The following MPHOSPH10 variants were observed in gnomAD, a reference collection of about 807,000 sequenced individuals.
MPHOSPH10 encodes the protein U3 small nucleolar ribonucleoprotein MPP10.
In MPHOSPH10, 33 loss-of-function variants were observed where a neutral mutation model predicts 77.3. That is an observed-to-expected ratio of 0.43 (90% CI 0.32 to 0.57). The LOEUF (loss-of-function observed/expected upper bound fraction) is 0.57. Ranked by LOEUF, MPHOSPH10 falls within the 20% of genes least tolerant of loss-of-function variation. The pLI is 0.07. For missense variants in MPHOSPH10, 708 were observed against 780.1 expected (o/e 0.91, Z 1.10); for synonymous variants, 245 against 268.0 (o/e 0.91, Z 0.84).
chr2:71,144,176 C>T (rs1453215577), intron 7 of MPHOSPH10: 2 of 284,574 alleles, frequency 7.0e-6, no homozygotes, highest in African/African-American at 2.2e-5. Flanking sequence ...AAGTAAATAC[C>T]AAGGTAATTA....
At chr2:71,144,663 C>T in intron 8 of MPHOSPH10, 125 bp downstream of exon 8, 3 of 712,038 alleles carry the variant, frequency 4.2e-6, no homozygotes, top group Admixed American at 2.8e-5. Context: ...AAATTCCAGG[C>T]AGGGTCTCCA....
rs762671700 is a variant in MPHOSPH10, at chr2:71,138,618, T to C, written c.1227T>C (p.His409=). The C allele has an allele frequency of 3.4e-5, 55 of 1,614,072 alleles. No individual in the cohort carries two copies. The highest frequency in any genetic ancestry group is 6.7e-5 in the African/African-American group (5 of 74,924). Residue 409 remains histidine (H), a synonymous_variant, in exon 5 of 11, where the codon CAT becomes CAC. Coordinates refer to ENST00000244230, the MANE Select transcript of MPHOSPH10 (RefSeq NM_005791.3). ...SLLEETLHFD[H]AVRMAPVITE... ...TGGAGGAGACCCTACACTTTGACCA[T>C]GCTGTCCGGATGGGTATGGTGCCCT... is the stretch of plus-strand genomic sequence containing the variant.
Position 71,130,716 on chromosome 2 carries a change from A to C in MPHOSPH10, c.51A>C (p.Glu17Asp), listed in dbSNP as rs1673359242. 2 of 1,610,938 alleles carry C rather than the reference A, an allele frequency of 1.2e-6. No homozygotes were observed. The highest frequency in any genetic ancestry group is 2.7e-5 in the African/African-American group (2 of 74,872). The change falls in exon 1 of 11, where the codon GAA (glutamate) becomes GAC (aspartate). Residue 17 changes from glutamate to aspartate, a missense_variant. Around this residue, in one of 3 missense-constraint regions of MPHOSPH10, gnomAD observed 433 missense variants for 432.6 expected, o/e 1.00. Transcript: ENST00000244230. ...GGACCCTGGAGCGGTGTCTGACGGAAGTCGGCAAAGCCACGGGTCGGCCCG... is the reference window on the plus strand; with the variant it reads ...GGACCCTGGAGCGGTGTCTGACGGACGTCGGCAAAGCCACGGGTCGGCCCG... ...RRRTLERCLT[E>D]VGKATGRPEC...
At chr2:71,141,564 T>C (rs1572899899) in intron 7 of MPHOSPH10, among the ~76,000 whole-genome samples, 195 bp downstream of exon 7, 1 of 152,202 alleles carries the variant, frequency 6.6e-6, no homozygotes, top group South Asian at 2.1e-4. Context: ...GGGGGGTTGC[T>C]TTGCAATTAG....
In MPHOSPH10 at chr2:71,134,754, A is replaced by G. The variant is rs1378068606; in HGVS notation, c.1055A>G (p.Asn352Ser). 2 of 1,605,064 alleles carry G rather than the reference A, an allele frequency of 1.2e-6. No homozygotes were observed. The highest frequency in any genetic ancestry group is 2.7e-5 in the African/African-American group (2 of 74,374). The change falls in exon 4 of 11, where the codon AAT becomes AGT. Residue 352 changes from asparagine to serine, a missense_variant. This residue lies in a region of MPHOSPH10 where 433 missense variants were observed against 432.6 expected (regional missense o/e 1.00). Transcript: ENST00000244230. ...EDTGVLNVKKNSDEVKSSFEK... is the reference protein window; with the variant it reads ...EDTGVLNVKKSSDEVKSSFEK... ...ACAGGTGTTTTAAATGTAAAGAAAA[A>G]TTCTGATGAAGTTAAATCCTCCTTT...
rs150645514 is a variant in MPHOSPH10 at position 71,149,636 on chromosome 2, A to G, written c.1896+183A>G. Among the ~76,000 whole-genome samples, 525 of 152,340 alleles carry G rather than the reference A, an allele frequency of 3.4e-3. 3 individuals are homozygous for G. Among genetic ancestry groups the G allele is most frequent in the African/African-American group, 0.012 (502 of 41,574 alleles). On this transcript the variant is annotated intron_variant, in intron 10 of 10. Transcript: ENST00000244230. ...GAATTTTTCATGTAGGGTCCTCACA[A>G]TAACCTGGGTCCTGGCAGCAGCTTG...
At chr2:71,148,555 C>T (rs774018229) in intron 9 of MPHOSPH10, 1 of 162,800 alleles carries the variant, frequency 6.1e-6, no homozygotes, top group South Asian at 1.6e-4. Flanking sequence ...TGCAGCAATC[C>T]CTGCCATGTG....
intron 10 of MPHOSPH10, 30 bp from the exon 11 acceptor site, chr2:71,149,836 A>G (rs572728737): frequency 6.7e-7 from 1 of 1,500,182 alleles, no homozygotes; most frequent in African/African-American, 1.4e-5. Flanking sequence ...TACATTTTAC[A>G]GCATAAGCAT....
chr2:71,137,519 C>T (rs1245959364), intron 4 of MPHOSPH10, among the ~76,000 whole-genome samples: 1 of 151,874 alleles, frequency 6.6e-6, no homozygotes, highest in Non-Finnish European at 1.5e-5. Context: ...ATTAGTCAGG[C>T]GTGGTTGCAC....
In MPHOSPH10 at chr2:71,149,396, A is replaced by G. The variant is rs1558757654; in HGVS notation, c.1839A>G (p.Thr613=). 1 of 1,611,958 alleles carries G rather than the reference A, an allele frequency of 6.2e-7. No individual in the cohort carries two copies. The highest frequency in any genetic ancestry group is 1.1e-5 in the South Asian group (1 of 90,982). ...ATCAAGCAGGGAAATACAGCAAAACAGTAGCTTCGGAGAAGTTAAAACAGC... is the reference window on the plus strand; with the variant it reads ...ATCAAGCAGGGAAATACAGCAAAACGGTAGCTTCGGAGAAGTTAAAACAGC... ...SVDQAGKYSK[T]VASEKLKQLT... Residue 613 remains threonine, a synonymous_variant, in exon 10 of 11, where the codon ACA becomes ACG. Transcript: ENST00000244230.
chr2:71,139,023 A>G (rs1673556546), intron 5 of MPHOSPH10: 3 of 447,776 alleles, frequency 6.7e-6, no homozygotes, highest in South Asian at 6.5e-5. Context: ...AGCCTGGGCA[A>G]CAGAGCGACA....
chr2:71,138,143 T>C (rs1673531440), intron 4 of MPHOSPH10, among the ~76,000 whole-genome samples: 1 of 152,170 alleles, frequency 6.6e-6, no homozygotes, highest in Admixed American at 6.5e-5. Flanking sequence ...GTCAAAAGGG[T>C]CAGACTCCAT....
At chr2:71,140,637 T>C (rs964386460) in intron 6 of MPHOSPH10, among the ~76,000 whole-genome samples, 4 of 152,224 alleles carry the variant, frequency 2.6e-5, no homozygotes, top group Non-Finnish European at 5.9e-5. Context: ...ATGGTGTATT[T>C]TTTTCAAATG....
chr2:71,150,056 T>C lies in MPHOSPH10; in HGVS notation c.*41T>C, dbSNP rs2103685630. The C allele has an allele frequency of 1.1e-5, 11 of 1,035,698 alleles. No individual in the cohort carries two copies. The highest frequency in any genetic ancestry group is 4.3e-5 in the South Asian group (2 of 46,736). The allele number at this position is 1,035,698 out of a possible 1,614,324, so 64.2% of individuals were successfully genotyped here. A position where few individuals can be genotyped will look rare whatever the true frequency, so the allele number is the denominator to read the frequency against. ...ATGTAAATATTAATGTGTAAGCTTA[T>C]ATTGTGTCATTGTTCTGTTTTATAA... On this transcript the variant is annotated 3_prime_UTR_variant, in exon 11 of 11. Transcript: ENST00000244230.
intron 4 of MPHOSPH10, among the ~76,000 whole-genome samples, 177 bp downstream of exon 4, chr2:71,134,974 C>T (rs537059917): frequency 1.3e-5 from 2 of 152,274 alleles, no homozygotes; most frequent in East Asian, 1.9e-4. Context: ...CAGAACCAGC[C>T]TAGGCAACAT....
Position 71,133,438 on chromosome 2 carries a change from G to A in MPHOSPH10, c.630G>A (p.Met210Ile), listed in dbSNP as rs1250486468. 6.2e-7 allele frequency: 1 copy of A among 1,614,022 alleles called. No individual in the cohort carries two copies. The highest frequency in any genetic ancestry group is 1.7e-5 in the Admixed American group (1 of 60,002). ...ATAAATTCTTCAAACTCTCTGAAATGGAGGCCTATTTAGAAAACATAGAAA... is the reference window on the plus strand; with the variant it reads ...ATAAATTCTTCAAACTCTCTGAAATAGAGGCCTATTTAGAAAACATAGAAA... ...VDDKFFKLSE[M>I]EAYLENIEKE... Residue 210 changes from methionine to isoleucine, a missense_variant, in exon 2 of 11, where the codon ATG (methionine) becomes ATA (isoleucine). Around this residue, in one of 3 missense-constraint regions of MPHOSPH10, gnomAD observed 433 missense variants for 432.6 expected, o/e 1.00. Transcript: ENST00000244230.
At chr2:71,134,825 T>C in intron 4 of MPHOSPH10, 28 bp downstream of exon 4, 16 of 1,458,672 alleles carry the variant, frequency 1.1e-5, no homozygotes, top group Non-Finnish European at 1.5e-5. Context: ...GAATTTTTAA[T>C]ATACTTGATA....
intron 6 of MPHOSPH10, among the ~76,000 whole-genome samples, chr2:71,140,261 C>G (rs1469331476): frequency 6.6e-6 from 1 of 152,112 alleles, no homozygotes; most frequent in South Asian, 2.1e-4. Context: ...AGCTGGGTGA[C>G]TTAAAAGGAA....
At chr2:71,138,065 C>T (rs1305774765) in intron 4 of MPHOSPH10, among the ~76,000 whole-genome samples, 1 of 151,946 alleles carries the variant, frequency 6.6e-6, no homozygotes, top group African/African-American at 2.4e-5. Flanking sequence ...CCAGCCTAGG[C>T]GACAGAGCGA....
Sources: allele counts gnomAD v4.1 joint callset (sites outside exome capture counted in the v4.1 genomes callset), GRCh38; gene constraint gnomAD v4.1.1; regional missense constraint gnomAD v4.1.1; transcripts MANE v1.5; gene names NCBI Gene and HGNC (gene_info 2026-07-23, HGNC 2026-07-21).